The following RBM28 variants were observed in gnomAD, a reference collection of about 807,000 sequenced individuals.
The protein encoded by RBM28 is RNA-binding protein 28.
A neutral mutation model predicts 98.3 loss-of-function variants in RBM28; 78 were observed. That is an observed-to-expected ratio of 0.79 (90% CI 0.66 to 0.96). The LOEUF is 0.96. Ranked by LOEUF, RBM28 falls within the 40% of genes least tolerant of loss-of-function variation. The pLI is 0.00. For synonymous variants in RBM28, 306 were observed against 330.9 expected, an observed-to-expected ratio of 0.92 and a Z score of 0.82; for missense variants, 838 against 913.0, an observed-to-expected ratio of 0.92 and a Z score of 1.06.
Position 128,310,610 on chromosome 7 carries a change from C to A in RBM28, c.*187G>T. 3.0e-6 allele frequency: 2 copies of A among 667,210 alleles called. No homozygotes were observed. The highest frequency in any genetic ancestry group is 2.6e-6 in the Non-Finnish European group (1 of 382,440). The allele number at this position is 667,210 out of a possible 1,614,324, so 41.3% of individuals were successfully genotyped here. On this transcript the variant is annotated 3_prime_UTR_variant, in exon 19 of 19. Coordinates refer to ENST00000223073, the MANE Select transcript of RBM28 (RefSeq NM_018077.3). Reference sequence around the variant, plus strand: ...GACTTTCAGATATTTCTCTTTGTGGCTAACGAACCACACATCAAAGGATGG... The same window carrying A: ...GACTTTCAGATATTTCTCTTTGTGGATAACGAACCACACATCAAAGGATGG...
intron 1 of RBM28, among the ~76,000 whole-genome samples, chr7:128,340,541 G>A (rs1796702779): frequency 6.6e-6 from 1 of 152,118 alleles, no homozygotes; most frequent in Non-Finnish European, 1.5e-5. Context: ...TCTTTACAAA[G>A]TACCTAGTTT....
intron 13 of RBM28, among the ~76,000 whole-genome samples, 168 bp downstream of exon 13, chr7:128,323,359 T>C (rs150901789): frequency 6.6e-6 from 1 of 152,334 alleles, no homozygotes; most frequent in Non-Finnish European, 1.5e-5. Context: ...CTATGTATGA[T>C]GTTGGGTTAC....
At position 128,338,286 on chromosome 7, in the gene RBM28, T is replaced by C. The variant is rs755685325; in HGVS notation, c.505A>G (p.Lys169Glu). 3 of 1,614,188 alleles carry C rather than the reference T, an allele frequency of 1.9e-6. No homozygotes were observed. Among genetic ancestry groups the C allele is most frequent in the Non-Finnish European group, 2.5e-6 (3 of 1,180,008 alleles). The change falls in exon 5 of 19, where the codon AAA (lysine) becomes GAA (glutamate). Residue 169 changes from lysine to glutamate, a missense_variant. By Grantham distance (56) the Lys-to-Glu change is moderately conservative. Coordinates refer to ENST00000223073, the MANE Select transcript of RBM28 (RefSeq NM_018077.3). ...VQFKNLLEAG[K>E]ALKGMNMKEI... ...TTCATGTTCATGCCTTTGAGAGCTTTACCTGCTTCTAGGAGGTTTTTGAAC... is the reference window on the plus strand; with the variant it reads ...TTCATGTTCATGCCTTTGAGAGCTTCACCTGCTTCTAGGAGGTTTTTGAAC...
chr7:128,314,002 G>A (rs566772672), intron 17 of RBM28, among the ~76,000 whole-genome samples: 2 of 150,720 alleles, frequency 1.3e-5, no homozygotes, highest in Non-Finnish European at 3.0e-5. Flanking sequence ...TCGCTCTTTC[G>A]CCCAGGCCAG....
In RBM28 at chr7:128,310,867, T is replaced by C. The variant is rs992768503; in HGVS notation, c.2210A>G (p.Tyr737Cys). ...ETRFNQLVEQ[Y>C]KQKLLGPSKG... Reference sequence around the variant, plus strand: ...AGAAGGTCCCAATAATTTCTGCTTATATTGTTCGACCAGCTGGTTGAAGCG... The same window carrying C: ...AGAAGGTCCCAATAATTTCTGCTTACATTGTTCGACCAGCTGGTTGAAGCG... Residue 737 changes from tyrosine (Y) to cysteine (C), a missense_variant, in exon 19 of 19, where the codon TAT becomes TGT. By Grantham distance (194) the Tyr-to-Cys change is radical (BLOSUM62 -2). Coordinates refer to ENST00000223073, the MANE Select transcript of RBM28 (RefSeq NM_018077.3). The C allele has an allele frequency of 1.9e-6, 3 of 1,614,002 alleles. No homozygotes were observed. Among genetic ancestry groups the C allele is most frequent in the African/African-American group, 1.3e-5 (1 of 74,922 alleles).
chr7:128,319,355 T>C (rs1796173170), intron 14 of RBM28, among the ~76,000 whole-genome samples: 1 of 152,192 alleles, frequency 6.6e-6, no homozygotes, highest in South Asian at 2.1e-4. Context: ...AGAATAAACA[T>C]AAATTTCTCT....
At chr7:128,334,570 C>T (rs1796556384) in intron 8 of RBM28, among the ~76,000 whole-genome samples, 1 of 152,170 alleles carries the variant, frequency 6.6e-6, no homozygotes. Flanking sequence ...TAAAAATCTC[C>T]ACCCAGACAA....
chr7:128,313,076 T>C, intron 18 of RBM28, 99 bp downstream of exon 18: 1 of 1,229,650 alleles, frequency 8.1e-7, no homozygotes, highest in South Asian at 1.2e-5. Flanking sequence ...CACAGAAGTC[T>C]TTCTTTTTTT....
intron 1 of RBM28, 112 bp downstream of exon 1, chr7:128,343,564 C>T: frequency 1.4e-6 from 1 of 732,622 alleles, no homozygotes; most frequent in South Asian, 2.2e-5. Context: ...AAACTCAGTT[C>T]CCTGTCCCTT....
At chr7:128,332,023 G>T (rs1796490943) in intron 9 of RBM28, among the ~76,000 whole-genome samples, 1 of 152,016 alleles carries the variant, frequency 6.6e-6, no homozygotes, top group Non-Finnish European at 1.5e-5. Context: ...TTATTAAAAG[G>T]TGTATAAGGA....
chr7:128,337,108 C>T (rs1796617193), intron 6 of RBM28, 23 bp downstream of exon 6: 2 of 1,611,904 alleles, frequency 1.2e-6, no homozygotes, highest in African/African-American at 2.7e-5. Flanking sequence ...CGCCCCTACT[C>T]ACCCAACACT....
chr7:128,318,749 G>A (rs902039632), intron 14 of RBM28, among the ~76,000 whole-genome samples: 1 of 152,124 alleles, frequency 6.6e-6, no homozygotes, highest in Non-Finnish European at 1.5e-5. Context: ...ACAACTGTTT[G>A]CGATACATAC....
intron 1 of RBM28, among the ~76,000 whole-genome samples, chr7:128,343,363 A>G (rs1584669032): frequency 6.6e-6 from 1 of 152,050 alleles, no homozygotes; most frequent in Admixed American, 6.5e-5. Flanking sequence ...AAATGAGATA[A>G]CCTGTATCAA....
chr7:128,330,721 A>T, intron 10 of RBM28, 98 bp downstream of exon 10: 1 of 886,692 alleles, frequency 1.1e-6, no homozygotes, highest in Admixed American at 1.7e-5. Flanking sequence ...TGGACTGTGA[A>T]CCCCTCAAAA....
intron 14 of RBM28, among the ~76,000 whole-genome samples, chr7:128,319,852 C>T (rs1218117313): frequency 6.6e-6 from 1 of 152,148 alleles, no homozygotes; most frequent in Non-Finnish European, 1.5e-5. Flanking sequence ...GCAGGGGAAT[C>T]ATCTGAGCTC....
intron 17 of RBM28, among the ~76,000 whole-genome samples, chr7:128,313,502 C>T (rs556867132): frequency 4.6e-5 from 7 of 152,100 alleles, no homozygotes; most frequent in African/African-American, 7.2e-5. Context: ...TCTACTACAA[C>T]GAAATTAAAA....
intron 11 of RBM28, 59 bp from the exon 12 acceptor site, chr7:128,324,753 C>A (rs1796310539): frequency 2.5e-6 from 4 of 1,610,916 alleles, no homozygotes; most frequent in Non-Finnish European, 3.4e-6. Flanking sequence ...GTGGCTCACA[C>A]CTGTAAACCG....
At position 128,310,744 on chromosome 7, in the gene RBM28, G is replaced by C. The variant is rs565413976; in HGVS notation, c.*53C>G. On this transcript the variant is annotated 3_prime_UTR_variant, in exon 19 of 19. Coordinates refer to ENST00000223073, the MANE Select transcript of RBM28 (RefSeq NM_018077.3). ...ACACGGGGGATGGGGAGGAGCCCAG[G>C]AGTGTCACCAGAAAGTACACAACCC... The C allele has an allele frequency of 1.7e-4, 277 of 1,607,364 alleles. No individual in the cohort carries two copies. The highest frequency in any genetic ancestry group is 2.1e-4 in the African/African-American group (16 of 74,952).
chr7:128,297,852 T>C lies in RBM28; in HGVS notation c.*12945A>G, dbSNP rs188608615. 13 of 150,756 alleles carry C rather than the reference T, an allele frequency of 8.6e-5. 1 individual carries two copies. Among genetic ancestry groups the C allele is most frequent in the South Asian group, 6.4e-4 (3 of 4,724 alleles). The allele number at this position is 150,756 out of a possible 1,614,324, so 9.3% of individuals were successfully genotyped here. The stretch of plus-strand genomic sequence containing the variant: ...GTCCTTTGTAGGGACACGGATGAAA[T>C]TGAAAATCATCATTCTCAGTAAACT... On this transcript the variant is annotated 3_prime_UTR_variant, in exon 19 of 19. Transcript: ENST00000223073.
Sources: allele counts gnomAD v4.1 joint callset (sites outside exome capture counted in the v4.1 genomes callset), GRCh38; gene constraint gnomAD v4.1.1; transcripts MANE v1.5; gene names NCBI Gene and HGNC (gene_info 2026-07-23, HGNC 2026-07-21).